The following WDR1 variants were observed in gnomAD, a reference collection of about 807,000 sequenced individuals.
WDR1 encodes the protein WD repeat domain 1.
A neutral mutation model predicts 71.9 loss-of-function variants in WDR1; 21 were observed. That is an observed-to-expected ratio of 0.29 (90% CI 0.21 to 0.42). WDR1 has a LOEUF of 0.42. Among genes scored for constraint, WDR1 ranks in the 10% least tolerant of loss-of-function variants. The pLI, the probability that WDR1 is intolerant of heterozygous loss-of-function variation, is 1.00. For missense variants in WDR1, 696 were observed against 824.5 expected, an observed-to-expected ratio of 0.84 and a Z score of 1.91; for synonymous variants, 424 against 347.4, an observed-to-expected ratio of 1.22 and a Z score of -2.45.
Position 10,079,020 on chromosome 4 carries a change from G to A in WDR1, c.1285-19C>T. 6.3e-7 allele frequency: 1 copy of A among 1,578,416 alleles called. No individual in the cohort carries two copies. The highest frequency in any genetic ancestry group is 8.6e-7 in the Non-Finnish European group (1 of 1,157,838). On this transcript the variant is annotated intron_variant, in intron 11 of 14. Transcript: ENST00000499869. ...GGACAATCTGTGGCACACACAGGCA[G>A]CTGGTCAGGCGGTCCAGCCCTTCGG...
At chr4:10,075,791 G>A (rs1472377015) in intron 14 of WDR1, 3 of 485,150 alleles carry the variant, frequency 6.2e-6, no homozygotes, top group African/African-American at 1.9e-5. Context: ...TTCCACAGGA[G>A]TGAAATAACA....
rs1765077273 is a variant in WDR1 at position 10,083,060 on chromosome 4, G to A, written c.1158C>T (p.Asp386=). The A allele has an allele frequency of 1.9e-6, 3 of 1,613,814 alleles. No homozygotes were observed. In the South Asian group the frequency reaches 3.3e-5, roughly 18 times the overall value. Reference sequence around the variant, plus strand: ...GCATGAGGCTGGTGTACCGCACGGTGTCGTCCATGCTGCAGCTGATGAGCT... The same window carrying A: ...GCATGAGGCTGGTGTACCGCACGGTATCGTCCATGCTGCAGCTGATGAGCT... The part of the protein sequence containing the change: ...SGQLISCSMD[D]TVRYTSLMLR... Residue 386 remains aspartate, a synonymous_variant, in exon 10 of 15, where the codon GAC becomes GAT. Transcript: ENST00000499869.
chr4:10,112,007 T>C (rs1231813593), intron 2 of WDR1, among the ~76,000 whole-genome samples: 1 of 152,110 alleles, frequency 6.6e-6, no homozygotes, highest in African/African-American at 2.4e-5. Flanking sequence ...ATAGCAAATC[T>C]GCTGGCTGCC....
intron 8 of WDR1, among the ~76,000 whole-genome samples, chr4:10,085,480 C>T (rs1174063319): frequency 3.3e-5 from 5 of 152,224 alleles, no homozygotes; most frequent in Admixed American, 6.5e-5. Flanking sequence ...GGCCTCCTTC[C>T]AATGTGGCAT....
intron 8 of WDR1, among the ~76,000 whole-genome samples, chr4:10,086,451 C>T (rs910780228): frequency 5.3e-5 from 8 of 152,200 alleles, no homozygotes; most frequent in Non-Finnish European, 8.8e-5. Flanking sequence ...TGACCTGGTC[C>T]GTAGGAGTCA....
intron 5 of WDR1, chr4:10,092,498 CTGGCAGG>C: frequency 6.5e-6 from 1 of 153,748 alleles, no homozygotes; most frequent in Admixed American, 6.4e-5. Flanking sequence ...CCCACAGGCT[CTGGCAGG>C]GTGGTGTCAT....
intron 2 of WDR1, among the ~76,000 whole-genome samples, chr4:10,114,282 G>A (rs1713573563): frequency 6.6e-6 from 1 of 152,218 alleles, no homozygotes; most frequent in Non-Finnish European, 1.5e-5. Flanking sequence ...TAAGAATACA[G>A]AGCTCAGAAA....
At chr4:10,093,055 C>T (rs1008685048) in intron 5 of WDR1, 78 of 1,289,340 alleles carry the variant, frequency 6.0e-5, no homozygotes, top group East Asian at 3.3e-4. Flanking sequence ...CCGAGGAAAC[C>T]GAGGCTTGAA....
chr4:10,116,548 C>T (rs574616645), intron 1 of WDR1, 103 bp downstream of exon 1: 20 of 939,744 alleles, frequency 2.1e-5, no homozygotes, highest in African/African-American at 2.1e-4. Context: ...CACCCCTCCC[C>T]CGCGCCGAGG....
intron 2 of WDR1, among the ~76,000 whole-genome samples, chr4:10,114,170 A>G (rs1713566033): frequency 6.6e-6 from 1 of 152,248 alleles, no homozygotes; most frequent in Non-Finnish European, 1.5e-5. Flanking sequence ...GGGCTATATT[A>G]GTAGCATCTC....
At chr4:10,098,429 A>G (rs1397183553) in intron 4 of WDR1, among the ~76,000 whole-genome samples, 1 of 152,252 alleles carries the variant, frequency 6.6e-6, no homozygotes, top group Non-Finnish European at 1.5e-5. Flanking sequence ...TCAAGGGGTT[A>G]TGGCCAGCCA....
chr4:10,112,390 C>T (rs549928052), intron 2 of WDR1, among the ~76,000 whole-genome samples: 2 of 152,318 alleles, frequency 1.3e-5, no homozygotes, highest in Non-Finnish European at 2.9e-5. Context: ...ATATGGTTCA[C>T]TGGAATCCCC....
At position 10,087,735 on chromosome 4, in the gene WDR1, T is replaced by C. The variant is rs1224207312; in HGVS notation, c.923A>G (p.Asn308Ser). Residue 308 changes from asparagine to serine, a missense_variant, in exon 8 of 15, where the codon AAC becomes AGC. Coordinates refer to ENST00000499869, the MANE Select transcript of WDR1 (RefSeq NM_017491.5). ...SGYINYLDRN[N>S]PSKPLHVIKG... ...GATGACGTGCAGGGGCTTGCTGGGGTTGTTTCTGTCCAGATAGTTGATGTA... is the reference window on the plus strand; with the variant it reads ...GATGACGTGCAGGGGCTTGCTGGGGCTGTTTCTGTCCAGATAGTTGATGTA... 1.5e-5 allele frequency: 24 copies of C among 1,599,550 alleles called. No individual in the cohort carries two copies. The highest frequency in any genetic ancestry group is 2.0e-5 in the Non-Finnish European group (24 of 1,172,886).
chr4:10,115,998 C>A (rs934092961), intron 2 of WDR1, 115 bp downstream of exon 2: 2 of 1,403,172 alleles, frequency 1.4e-6, no homozygotes, highest in African/African-American at 1.4e-5. Flanking sequence ...GGGGGCGTGG[C>A]GCCCTCACCC....
Position 10,085,390 on chromosome 4 carries a change from G to A in WDR1, c.952-860C>T, listed in dbSNP as rs75487643. ...CCAGTGGGACTGGAGAATGGGCAAC[G>A]AATGCAGCTACTTTCATCTTTTCCA... On this transcript the variant is annotated intron_variant, in intron 8 of 14. Coordinates refer to ENST00000499869, the MANE Select transcript of WDR1 (RefSeq NM_017491.5). 7.0e-3 allele frequency among the ~76,000 whole-genome samples: 1,070 copies of A among 152,340 alleles called. 5 individuals are homozygous for A. Among genetic ancestry groups the A allele is most frequent in the South Asian group, 0.029 (141 of 4,830 alleles).
intron 2 of WDR1, among the ~76,000 whole-genome samples, chr4:10,106,165 G>T (rs4697704): frequency 0.62 from 93,610 of 151,856 alleles, 30,097 homozygotes; most frequent in Middle Eastern, 0.75. Flanking sequence ...TGTCATGACA[G>T]GGGTGGTGCT....
chr4:10,115,588 G>A (rs1403384646), intron 2 of WDR1, among the ~76,000 whole-genome samples: 2 of 152,222 alleles, frequency 1.3e-5, no homozygotes, highest in African/African-American at 2.4e-5. Flanking sequence ...CTGGGCTTGA[G>A]GGACGCCAGC....
chr4:10,115,286 A>G (rs1270643802), intron 2 of WDR1, among the ~76,000 whole-genome samples: 2 of 152,220 alleles, frequency 1.3e-5, no homozygotes, highest in African/African-American at 4.8e-5. Context: ...AGACTGACAG[A>G]CTGGGTCACC....
chr4:10,104,052 A>G (rs1712870205), intron 2 of WDR1, 66 bp from the exon 3 acceptor site: 2 of 1,469,920 alleles, frequency 1.4e-6, no homozygotes, highest in Non-Finnish European at 1.9e-6. Context: ...AGCTCTCCAC[A>G]TCAACAGATA....
Sources: gnomAD v4.1 joint callset for allele counts (sites outside exome capture counted in the v4.1 genomes callset) on GRCh38, gnomAD v4.1.1 for gene constraint, MANE v1.5 for transcripts, NCBI Gene and HGNC (gene_info 2026-07-23, HGNC 2026-07-21) for gene names.